Variants in HDAC9 observed in about 807,000 individuals in gnomAD.
HDAC9 encodes MEF-2 interacting transcription repressor (MITR) protein.
Under a neutral mutation model 139.4 loss-of-function variants are expected in HDAC9, and 41 were observed. The ratio of observed to expected loss-of-function variants is 0.29; its 90% CI spans 0.23 to 0.38. HDAC9 has a LOEUF of 0.38. HDAC9 is among the 10% of genes least tolerant of loss of function. The pLI is 1.00. For synonymous variants in HDAC9, 517 were observed against 476.2 expected (o/e 1.09, Z -1.12); for missense variants, 1,147 against 1,297.0 (o/e 0.88, Z 1.78).
chr7:18,785,635 G>A (rs1791650555), intron 16 of HDAC9, among the ~76,000 whole-genome samples: 1 of 152,088 alleles, frequency 6.6e-6, no homozygotes, highest in Admixed American at 6.6e-5. Context: ...AAACATTCTT[G>A]CAGGTCTTAG....
intron 1 of HDAC9, among the ~76,000 whole-genome samples, chr7:18,130,316 G>A (rs1784923285): frequency 6.6e-6 from 1 of 152,042 alleles, no homozygotes; most frequent in South Asian, 2.1e-4. Context: ...CCCTGAGGTA[G>A]GAAAGAGCCA....
chr7:18,685,786 C>A, intron 12 of HDAC9, among the ~76,000 whole-genome samples: 1 of 151,668 alleles, frequency 6.6e-6, no homozygotes, highest in Non-Finnish European at 1.5e-5. Flanking sequence ...TGAAAATAAC[C>A]TAACTAAATT....
chr7:18,485,664 G>C (rs998834652), intron 1 of HDAC9, among the ~76,000 whole-genome samples: 5 of 151,822 alleles, frequency 3.3e-5, no homozygotes, highest in African/African-American at 1.2e-4. Flanking sequence ...TGTATATTGA[G>C]TGCTATTATG....
intron 1 of HDAC9, among the ~76,000 whole-genome samples, chr7:18,440,934 T>C (rs566346764): frequency 6.6e-6 from 1 of 152,222 alleles, no homozygotes; most frequent in South Asian, 2.1e-4. Context: ...TAATGTTTTG[T>C]AAGCCAAGAG....
chr7:18,192,251 A>G (rs942874048), intron 2 of HDAC9, among the ~76,000 whole-genome samples: 1 of 152,192 alleles, frequency 6.6e-6, no homozygotes. Context: ...GTAGAATGCA[A>G]CTTCTTGGTA....
chr7:18,481,399 G>C (rs540129495), intron 1 of HDAC9, among the ~76,000 whole-genome samples: 1 of 152,014 alleles, frequency 6.6e-6, no homozygotes, highest in Non-Finnish European at 1.5e-5. Context: ...TGTTTCCTTC[G>C]TGGTGTTCAA....
chr7:18,610,469 T>C (rs1006330173), intron 6 of HDAC9, among the ~76,000 whole-genome samples: 2 of 152,164 alleles, frequency 1.3e-5, no homozygotes, highest in African/African-American at 4.8e-5. Flanking sequence ...ACAAACACTC[T>C]TTCCCCGGTC....
intron 1 of HDAC9, among the ~76,000 whole-genome samples, chr7:18,359,548 T>G (rs1243125251): frequency 6.6e-6 from 1 of 152,156 alleles, no homozygotes; most frequent in Non-Finnish European, 1.5e-5. Context: ...TACAATGAAC[T>G]TGCATGTAAC....
intron 12 of HDAC9, among the ~76,000 whole-genome samples, chr7:18,672,096 T>C (rs764771220): frequency 1.3e-5 from 2 of 152,000 alleles, no homozygotes; most frequent in African/African-American, 2.4e-5. Context: ...TTCTGGGTAA[T>C]ATGGTAACTG....
chr7:18,249,241 G>C (rs1365213307), intron 2 of HDAC9, among the ~76,000 whole-genome samples: 1 of 151,882 alleles, frequency 6.6e-6, no homozygotes, highest in Non-Finnish European at 1.5e-5. Context: ...GGTGGCTCAC[G>C]CCTGTAATCC....
chr7:18,196,003 T>C (rs1207151700), intron 2 of HDAC9, among the ~76,000 whole-genome samples: 1 of 152,196 alleles, frequency 6.6e-6, no homozygotes, highest in African/African-American at 2.4e-5. Context: ...TTTTATATTC[T>C]CTATATTCTT....
At chr7:18,448,725 T>G (rs1192941364) in intron 1 of HDAC9, among the ~76,000 whole-genome samples, 1 of 152,202 alleles carries the variant, frequency 6.6e-6, no homozygotes, top group Non-Finnish European at 1.5e-5. Context: ...TGGTACAAAT[T>G]AATTTGCAAA....
intron 2 of HDAC9, among the ~76,000 whole-genome samples, chr7:18,190,163 CA>C (rs1177781606): frequency 6.6e-6 from 1 of 152,022 alleles, no homozygotes; most frequent in Non-Finnish European, 1.5e-5. Context: ...AGGCTGGTCT[CA>C]AAACTCCTGA....
In HDAC9 at chr7:18,496,297, C is replaced by T. The variant is rs1796928621; in HGVS notation, c.-6C>T. 1 of 1,613,086 alleles carries T rather than the reference C, an allele frequency of 6.2e-7. No individual in the cohort carries two copies. The highest frequency in any genetic ancestry group is 8.5e-7 in the Non-Finnish European group (1 of 1,179,390). ...TGGACGAGAGCAGCTCTTGGCTCAG[C>T]AAAGAATGCACAGTATGATCAGCTC... On this transcript the variant is annotated 5_prime_UTR_variant, in exon 2 of 26. Transcript: ENST00000686413.
chr7:18,931,779 A>G (rs2129305946), intron 22 of HDAC9, among the ~76,000 whole-genome samples: 1 of 152,272 alleles, frequency 6.6e-6, no homozygotes, highest in African/African-American at 2.4e-5. Context: ...CTGAGAATTT[A>G]TTTTCTTTTC....
At chr7:18,437,161 T>C (rs1791279212) in intron 1 of HDAC9, among the ~76,000 whole-genome samples, 1 of 152,160 alleles carries the variant, frequency 6.6e-6, no homozygotes, top group African/African-American at 2.4e-5. Context: ...GAAAGTAGCC[T>C]TTAAGGTCTG....
At chr7:18,806,241 C>T (rs1027831840) in intron 17 of HDAC9, among the ~76,000 whole-genome samples, 2 of 152,156 alleles carry the variant, frequency 1.3e-5, no homozygotes, top group African/African-American at 2.4e-5. Flanking sequence ...TAACAAATTA[C>T]CCCAAATTTG....
chr7:18,488,333 C>G (rs1465051185), intron 1 of HDAC9, among the ~76,000 whole-genome samples: 2 of 151,954 alleles, frequency 1.3e-5, no homozygotes, highest in East Asian at 3.9e-4. Context: ...AAAGGAAAAG[C>G]AAGGTTTTCT....
intron 1 of HDAC9, among the ~76,000 whole-genome samples, chr7:18,375,240 C>T (rs1277383666): frequency 2.0e-5 from 3 of 152,148 alleles, no homozygotes; most frequent in Admixed American, 1.3e-4. Context: ...GAGGCTGAGG[C>T]AGGCGGATTA....
Sources: allele counts gnomAD v4.1 joint callset (sites outside exome capture counted in the v4.1 genomes callset), GRCh38; gene constraint gnomAD v4.1.1; transcripts MANE v1.5; gene names NCBI Gene and HGNC (gene_info 2026-07-23, HGNC 2026-07-21).